The following MARCHF1 variants were observed in gnomAD, a reference collection of about 807,000 sequenced individuals.
The protein encoded by MARCHF1 is membrane associated ring-CH-type finger 1.
MARCHF1 carries 40 observed loss-of-function variants against 54.2 expected under a neutral mutation model. That is an observed-to-expected ratio of 0.74 (90% CI 0.57 to 0.96). MARCHF1 has a LOEUF of 0.96. MARCHF1 is among the 40% of genes least tolerant of loss of function. MARCHF1 has a pLI of 0.00. For synonymous variants in MARCHF1, 236 were observed against 236.3 expected (o/e 1.00, Z 0.01); for missense variants, 586 against 656.5 (o/e 0.89, Z 1.17).
intron 8 of MARCHF1, among the ~76,000 whole-genome samples, chr4:163,558,901 C>T (rs1461569545): frequency 6.6e-6 from 1 of 152,180 alleles, no homozygotes; most frequent in African/African-American, 2.4e-5. Flanking sequence ...GATCCTCTCA[C>T]AGATAAACTC....
In MARCHF1 at chr4:164,262,502, T is replaced by C. The variant is rs147725062; in HGVS notation, c.-323+121368A>G. On this transcript the variant is annotated intron_variant, in intron 1 of 9. Transcript: ENST00000514618. ...GACTACCACTGCACTTTGTTGTACTTTGAGCATTAGAGATGCCAGCCCTGT... is the reference window on the plus strand; with the variant it reads ...GACTACCACTGCACTTTGTTGTACTCTGAGCATTAGAGATGCCAGCCCTGT... Among the ~76,000 whole-genome samples the C allele has an allele frequency of 2.7e-4, 41 of 152,316 alleles. 1 individual carries two copies. In the East Asian group the frequency reaches 7.5e-3, roughly 28 times the overall value.
chr4:163,818,037 A>T (rs1193830406), intron 4 of MARCHF1, among the ~76,000 whole-genome samples: 1 of 150,998 alleles, frequency 6.6e-6, no homozygotes, highest in Non-Finnish European at 1.5e-5. Flanking sequence ...GGTGCAGCAC[A>T]CCAGCATGGC....
chr4:163,806,367 GTC>G (rs1748223722), intron 4 of MARCHF1, among the ~76,000 whole-genome samples: 2 of 152,282 alleles, frequency 1.3e-5, no homozygotes, highest in Admixed American at 6.5e-5. Flanking sequence ...CTGAAGGAAA[GTC>G]TCATCTGAAA....
chr4:163,943,143 A>T (rs769493072), intron 3 of MARCHF1, among the ~76,000 whole-genome samples: 2 of 151,990 alleles, frequency 1.3e-5, no homozygotes, highest in African/African-American at 4.8e-5. Context: ...TCTGTAGTTT[A>T]TATGTTTACT....
chr4:164,332,324 C>T (rs1371134159), intron 1 of MARCHF1, among the ~76,000 whole-genome samples: 1 of 152,146 alleles, frequency 6.6e-6, no homozygotes, highest in Non-Finnish European at 1.5e-5. Flanking sequence ...GCCATGGTTG[C>T]TTTTACAAAA....
chr4:164,210,113 CACAA>C (rs959576760), intron 1 of MARCHF1, among the ~76,000 whole-genome samples: 8 of 152,090 alleles, frequency 5.3e-5, no homozygotes, highest in Non-Finnish European at 7.4e-5. Flanking sequence ...AGCATTTAAA[CACAA>C]ACAAACATCA....
At chr4:164,307,752 C>T (rs1734734604) in intron 1 of MARCHF1, among the ~76,000 whole-genome samples, 2 of 152,126 alleles carry the variant, frequency 1.3e-5, no homozygotes, top group Admixed American at 1.3e-4. Context: ...ATTCGTGTTA[C>T]AGTTAGTTAG....
intron 1 of MARCHF1, among the ~76,000 whole-genome samples, chr4:164,287,521 A>T (rs974541526): frequency 1.3e-5 from 2 of 152,208 alleles, no homozygotes; most frequent in African/African-American, 2.4e-5. Flanking sequence ...TGAATTTTTT[A>T]AAAGTCACCA....
At chr4:164,198,943 A>G (rs761935179) in intron 1 of MARCHF1, among the ~76,000 whole-genome samples, 18 of 152,370 alleles carry the variant, frequency 1.2e-4, no homozygotes, top group Non-Finnish European at 2.6e-4. Flanking sequence ...AAATAAAAAT[A>G]TATTTCCTGA....
At chr4:163,787,416 C>T (rs796107080) in intron 4 of MARCHF1, among the ~76,000 whole-genome samples, 8 of 151,734 alleles carry the variant, frequency 5.3e-5, no homozygotes, top group African/African-American at 1.9e-4. Flanking sequence ...GGCAAAGGAT[C>T]TGAATAGACA....
intron 1 of MARCHF1, among the ~76,000 whole-genome samples, chr4:164,352,643 G>A (rs199563776): frequency 0.41 from 59,781 of 147,494 alleles, 12,782 homozygotes; most frequent in Non-Finnish European, 0.48. Context: ...ACCGGTACCA[G>A]CCGCTGCAAA....
At chr4:163,987,910 T>C (rs931441068) in intron 3 of MARCHF1, among the ~76,000 whole-genome samples, 1 of 152,186 alleles carries the variant, frequency 6.6e-6, no homozygotes, top group African/African-American at 2.4e-5. Flanking sequence ...TGTGTGAAGT[T>C]TCAAAGAAAG....
intron 4 of MARCHF1, among the ~76,000 whole-genome samples, chr4:163,749,255 C>T (rs1046801864): frequency 7.2e-5 from 11 of 152,022 alleles, no homozygotes; most frequent in African/African-American, 2.7e-4. Flanking sequence ...AACATCATTA[C>T]TGACCTTTCT....
At chr4:163,566,489 A>G (rs972549169) in intron 8 of MARCHF1, among the ~76,000 whole-genome samples, 1 of 152,210 alleles carries the variant, frequency 6.6e-6, no homozygotes, top group African/African-American at 2.4e-5. Context: ...GGCCAAGGTA[A>G]CCTAACAGAC....
At chr4:164,306,015 G>A (rs1443382205) in intron 1 of MARCHF1, among the ~76,000 whole-genome samples, 1 of 152,030 alleles carries the variant, frequency 6.6e-6, no homozygotes, top group Admixed American at 6.5e-5. Flanking sequence ...GTCACTGATT[G>A]TTACGAATAA....
chr4:163,850,983 A>G, intron 4 of MARCHF1, among the ~76,000 whole-genome samples: 1 of 152,196 alleles, frequency 6.6e-6, no homozygotes, highest in East Asian at 1.9e-4. Flanking sequence ...ATTGAACAAC[A>G]AAGGTCCAGT....
chr4:163,786,412 C>A (rs968572048), intron 4 of MARCHF1, among the ~76,000 whole-genome samples: 4 of 151,648 alleles, frequency 2.6e-5, no homozygotes, highest in African/African-American at 7.3e-5. Flanking sequence ...ACAAATACAC[C>A]TTTTTTTCTC....
intron 3 of MARCHF1, among the ~76,000 whole-genome samples, chr4:163,933,389 C>G (rs1265024012): frequency 6.6e-6 from 1 of 152,218 alleles, no homozygotes; most frequent in Non-Finnish European, 1.5e-5. Flanking sequence ...TCTTTTCACA[C>G]TGCAGCATTG....
chr4:163,833,856 GT>G, intron 4 of MARCHF1, among the ~76,000 whole-genome samples: 1 of 152,104 alleles, frequency 6.6e-6, no homozygotes, highest in Admixed American at 6.5e-5. Flanking sequence ...GCACACCCTT[GT>G]GTAACATCAA....
Sources: allele counts gnomAD v4.1 joint callset (sites outside exome capture counted in the v4.1 genomes callset), GRCh38; gene constraint gnomAD v4.1.1; transcripts MANE v1.5; gene names NCBI Gene and HGNC (gene_info 2026-07-23, HGNC 2026-07-21).